The following CIITA variants were observed in gnomAD, a reference collection of about 807,000 sequenced individuals.
CIITA encodes the protein MHC class II transactivator.
In CIITA, 72 loss-of-function variants were observed where a neutral mutation model predicts 115.1. The observed-to-expected ratio is 0.63, with a 90% CI of 0.52 to 0.76. CIITA has a LOEUF of 0.76. CIITA is among the 30% of genes least tolerant of loss of function. The pLI, the probability that CIITA is intolerant of heterozygous loss-of-function variation, is 0.00. For synonymous variants in CIITA, 763 were observed against 635.6 expected (o/e 1.20, Z -3.02); for missense variants, 1,617 against 1,463.8 (o/e 1.10, Z -1.71).
intron 10 of CIITA, 23 bp from the exon 11 acceptor site, chr16:10,906,476 T>C (rs752871181): frequency 4.3e-6 from 7 of 1,610,754 alleles, no homozygotes; most frequent in Non-Finnish European, 5.9e-6. Flanking sequence ...ACCCCCACCC[T>C]GACACGCCCC....
chr16:10,912,772 G>A (rs758159703), intron 13 of CIITA, among the ~76,000 whole-genome samples: 4 of 152,252 alleles, frequency 2.6e-5, no homozygotes, highest in Non-Finnish European at 4.4e-5. Flanking sequence ...TCGGAACTGC[G>A]CTCTGGGGAA....
At chr16:10,936,733 A>G (rs1440725947), downstream of CIITA, 2 of 152,200 alleles carry the variant, frequency 1.3e-5, no homozygotes, top group Admixed American at 1.3e-4. Flanking sequence ...CACCCCTCAA[A>G]CCCTCAGTGC....
chr16:10,918,617 A>T (rs1338169590), intron 16 of CIITA, 91 bp downstream of exon 16: 32 of 1,073,802 alleles, frequency 3.0e-5, no homozygotes, highest in Non-Finnish European at 3.7e-5. Flanking sequence ...GGGGACACTG[A>T]GACCCTAGAA....
chr16:10,899,989 G>C (rs1055077751), intron 5 of CIITA, among the ~76,000 whole-genome samples: 1 of 152,140 alleles, frequency 6.6e-6, no homozygotes, highest in African/African-American at 2.4e-5. Flanking sequence ...GCTGAGGCAG[G>C]AGAATCGCTT....
At chr16:10,882,248 C>T (rs1207110004) in intron 1 of CIITA, among the ~76,000 whole-genome samples, 2 of 152,074 alleles carry the variant, frequency 1.3e-5, no homozygotes, top group East Asian at 3.8e-4. Flanking sequence ...AATTGTAGAA[C>T]AGGTGATATG....
At chr16:10,885,446 G>T (rs1038884460) in intron 1 of CIITA, among the ~76,000 whole-genome samples, 16 of 152,220 alleles carry the variant, frequency 1.1e-4, no homozygotes, top group Admixed American at 7.9e-4. Context: ...AAGCCCCTGA[G>T]CATTGCAGTG....
At chr16:10,878,566 G>A (rs2036069439) in intron 1 of CIITA, among the ~76,000 whole-genome samples, 1 of 152,196 alleles carries the variant, frequency 6.6e-6, no homozygotes, top group Admixed American at 6.5e-5. Flanking sequence ...AGCTCAGTTA[G>A]CTCATCTCAG....
At chr16:10,938,099 ATAT>A (rs576076075), downstream of CIITA, 165 of 152,354 alleles carry the variant, frequency 1.1e-3, 1 homozygote, top group African/African-American at 3.8e-3. This position sits in a 1 kb window ranked among gnomAD's most constrained non-coding sequence, Gnocchi z 4.9. Flanking sequence ...TGAGTGGTTA[ATAT>A]TAATACATCT....
chr16:10,899,121 C>A (rs1163543563), intron 5 of CIITA, 119 bp downstream of exon 5: 13 of 960,384 alleles, frequency 1.4e-5, no homozygotes, highest in Middle Eastern at 2.9e-4. Context: ...GGTTGGGAGG[C>A]CCTTTAAAAG....
intron 8 of CIITA, 149 bp from the exon 9 acceptor site, chr16:10,903,582 C>G (rs913047797): frequency 1.2e-6 from 1 of 854,516 alleles, no homozygotes; most frequent in Non-Finnish European, 1.9e-6. Context: ...TTCTTCAGCT[C>G]TGTCCTGAAA....
intron 7 of CIITA, among the ~76,000 whole-genome samples, 160 bp downstream of exon 7, chr16:10,902,344 C>T (rs569598615): frequency 1.2e-4 from 19 of 152,172 alleles, no homozygotes; most frequent in African/African-American, 3.1e-4. Flanking sequence ...TTGGGGCCCC[C>T]GTCAGCTCAA....
At position 10,898,813 on chromosome 16, in the gene CIITA, C is replaced by T. The variant is rs542604670; in HGVS notation, c.358+81C>T. ...CCCTGGGGGGTGCCCTAATACCTGA[C>T]GACCATTCATTGATGGGCAGTCAGA... On this transcript the variant is annotated intron_variant, in intron 4 of 19. Transcript: ENST00000324288. 65 of 1,598,474 alleles carry T rather than the reference C, an allele frequency of 4.1e-5. No homozygotes were observed. The South Asian group carries it at 5.5e-4, about 14-fold the overall frequency.
chr16:10,904,042 A>G, intron 9 of CIITA, 147 bp downstream of exon 9: 1 of 993,872 alleles, frequency 1.0e-6, no homozygotes, highest in East Asian at 2.6e-5. Flanking sequence ...GAGGGTCTCC[A>G]GGGAGTGGAG....
downstream of CIITA, chr16:10,940,005 A>G (rs931659503): frequency 3.3e-5 from 5 of 152,262 alleles, no homozygotes; most frequent in Non-Finnish European, 5.9e-5. This position sits in a 1 kb window ranked among gnomAD's most constrained non-coding sequence, Gnocchi z 4.2. Flanking sequence ...TGTGCAGAGC[A>G]CCTGGCACAC....
At chr16:10,881,638 A>G (rs2036443863) in intron 1 of CIITA, among the ~76,000 whole-genome samples, 2 of 152,124 alleles carry the variant, frequency 1.3e-5, no homozygotes, top group African/African-American at 4.8e-5. Flanking sequence ...TTATACATGG[A>G]AAAAAAAGTT....
Position 10,901,846 on chromosome 16 carries a change from C to T in CIITA, c.482-192C>T, listed in dbSNP as rs781270966. 2.5e-5 allele frequency: 21 copies of T among 842,572 alleles called. No homozygotes were observed. In the South Asian group the frequency reaches 2.6e-4, roughly 11 times the overall value. The allele number at this position is 842,572 out of a possible 1,614,324, so 52.2% of individuals were successfully genotyped here. A position where few individuals can be genotyped will look rare whatever the true frequency, so the allele number is the denominator to read the frequency against. On this transcript the variant is annotated intron_variant, in intron 6 of 19. Transcript: ENST00000324288. The surrounding 1 kb of genome is among the most constrained non-coding windows in gnomAD (Gnocchi z 6.8). ...TCCTGCTCAGCATAGCTCTCAGAGC[C>T]AAGTCACAAGGAGAGGACTGGGGGA...
At chr16:10,894,214 C>G (rs539219688) in intron 1 of CIITA, among the ~76,000 whole-genome samples, 1 of 152,064 alleles carries the variant, frequency 6.6e-6, no homozygotes, top group African/African-American at 2.4e-5. Context: ...TAGAATCATA[C>G]AATATGTGAC....
intron 1 of CIITA, among the ~76,000 whole-genome samples, chr16:10,883,710 G>A (rs1238678768): frequency 2.0e-5 from 3 of 152,214 alleles, no homozygotes; most frequent in Non-Finnish European, 2.9e-5. Flanking sequence ...CCAAGTAGGA[G>A]ATGGAGATTT....
At chr16:10,915,876 CT>C (rs1447955528) in intron 14 of CIITA, among the ~76,000 whole-genome samples, 1 of 152,204 alleles carries the variant, frequency 6.6e-6, no homozygotes, top group African/African-American at 2.4e-5. Flanking sequence ...CACTTTGTCC[CT>C]TTTTTTCTCT....
Sources: allele counts gnomAD v4.1 joint callset (sites outside exome capture counted in the v4.1 genomes callset), GRCh38; gene constraint gnomAD v4.1.1; non-coding constraint Gnocchi (gnomAD v3.1); transcripts MANE v1.5; gene names NCBI Gene and HGNC (gene_info 2026-07-23, HGNC 2026-07-21).